PHF11: variants seen among roughly 807,000 people sequenced by gnomAD.
PHF11 encodes PHD finger protein 11, also known as BRCA1 C-terminus-associated protein.
PHF11 carries 38 observed loss-of-function variants against 40.5 expected under a neutral mutation model. That is an observed-to-expected ratio of 0.94 (90% CI 0.72 to 1.23). PHF11 has a LOEUF of 1.23. Ranked by LOEUF, PHF11 falls within the 50% of genes most tolerant of loss-of-function variation. PHF11 has a pLI of 0.00. For missense variants in PHF11, 369 were observed against 392.4 expected (o/e 0.94, Z 0.50); for synonymous variants, 127 against 138.2 (o/e 0.92, Z 0.57).
chr13:49,527,054 GA>G (rs112437268), intron 9 of PHF11, among the ~76,000 whole-genome samples: 12,985 of 92,616 alleles, frequency 0.14, 905 homozygotes, highest in East Asian at 0.3. Context: ...AAGTTCATCA[GA>G]AAAAAAAAAA....
chr13:49,510,245 C>A (rs1214522736), intron 2 of PHF11, among the ~76,000 whole-genome samples: 2 of 152,082 alleles, frequency 1.3e-5, no homozygotes, highest in African/African-American at 4.8e-5. Flanking sequence ...AGGTTGGTAT[C>A]CAACCCCTGG....
rs757809798 is a variant in PHF11, at chr13:49,528,673, C to T, written c.*8C>T. The T allele has an allele frequency of 2.3e-5, 36 of 1,582,242 alleles. No homozygotes were observed. Among genetic ancestry groups the T allele is most frequent in the South Asian group, 3.5e-5 (3 of 86,556 alleles). On this transcript the variant is annotated 3_prime_UTR_variant, in exon 10 of 10. Coordinates refer to ENST00000378319, the MANE Select transcript of PHF11 (RefSeq NM_001040443.3). ...TCATCCCTGTCTTATTAGGGATTAC[C>T]GTTTCCTAAGCCAAGAGTCATGTCA...
At chr13:49,496,369 G>C (rs1405575277) in intron 1 of PHF11, 3 of 1,155,834 alleles carry the variant, frequency 2.6e-6, no homozygotes, top group Non-Finnish European at 3.2e-6. Flanking sequence ...GGCACGCTTC[G>C]GTTTACCTCC....
rs140909381 is a variant in PHF11, at chr13:49,510,612, C to T, written c.217-2447C>T. Among the ~76,000 whole-genome samples the T allele has an allele frequency of 3.9e-3, 600 of 152,216 alleles. 3 individuals carry two copies. The highest frequency in any genetic ancestry group is 8.7e-3 in the Admixed American group (133 of 15,278). On this transcript the variant is annotated intron_variant, in intron 2 of 9. Transcript: ENST00000378319. The stretch of plus-strand genomic sequence containing the variant: ...CCCACCTCAGCTTGGACTACAAGCA[C>T]GTACCACCATACCCAGCTAATTTTT...
At chr13:49,519,379 A>G (rs1176244918) in intron 4 of PHF11, among the ~76,000 whole-genome samples, 2 of 152,158 alleles carry the variant, frequency 1.3e-5, no homozygotes. Flanking sequence ...TGTCCCTGCT[A>G]TAGCTTAAAG....
chr13:49,497,153 A>C, intron 1 of PHF11: 3 of 1,288,596 alleles, frequency 2.3e-6, no homozygotes, highest in Non-Finnish European at 3.0e-6. Flanking sequence ...CGTAAACATC[A>C]TACGTGGCAA....
rs776548087 is a variant in PHF11, at chr13:49,528,548, G to A, written c.879G>A (p.Trp293Ter). 1 of 1,610,442 alleles carries A rather than the reference G, an allele frequency of 6.2e-7. No individual in the cohort carries two copies. Among genetic ancestry groups the A allele is most frequent in the Non-Finnish European group, 8.5e-7 (1 of 1,178,194 alleles). Residue 293 changes from tryptophan (W) to a stop codon, truncating the protein, a stop_gained, in exon 10 of 10, where the codon TGG becomes TGA. Coordinates refer to ENST00000378319, the MANE Select transcript of PHF11 (RefSeq NM_001040443.3). LOFTEE classifies it low-confidence loss of function (END_TRUNC). ...AAATTCATGCATCTCAACAAAGGTGGCAGCAGTTGAAGGAAGAGATTGAGC... is the reference window on the plus strand; with the variant it reads ...AAATTCATGCATCTCAACAAAGGTGACAGCAGTTGAAGGAAGAGATTGAGC... ...EKKIHASQQR[W>*]QQLKEEIELL...
At chr13:49,518,226 T>G in intron 4 of PHF11, 75 bp downstream of exon 4, 1 of 1,015,826 alleles carries the variant, frequency 9.8e-7, no homozygotes, top group Non-Finnish European at 1.4e-6. Context: ...ACAAGGAGAC[T>G]TTGAAGACTA....
At chr13:49,522,379 TTCAGGAGGTGACATTC>T (rs1218198338) in intron 6 of PHF11, among the ~76,000 whole-genome samples, 1 of 152,158 alleles carries the variant, frequency 6.6e-6, no homozygotes, top group Non-Finnish European at 1.5e-5. Context: ...GCACATAACC[TTCAGGAGGTGACATTC>T]TCCGAGCTCC....
chr13:49,526,723 T>G (rs1959309573), intron 9 of PHF11, among the ~76,000 whole-genome samples: 1 of 151,976 alleles, frequency 6.6e-6, no homozygotes, highest in Non-Finnish European at 1.5e-5. Context: ...TATAGTGATT[T>G]TTGTCTGTTC....
At chr13:49,504,597 G>C (rs1200360179) in intron 1 of PHF11, among the ~76,000 whole-genome samples, 1 of 133,046 alleles carries the variant, frequency 7.5e-6, no homozygotes, top group African/African-American at 3.0e-5. Context: ...GAGGTGGGGG[G>C]TCAGCCCCCC....
At chr13:49,506,990 G>T (rs908444792) in intron 2 of PHF11, among the ~76,000 whole-genome samples, 1 of 131,264 alleles carries the variant, frequency 7.6e-6, no homozygotes, top group Non-Finnish European at 1.6e-5. Context: ...TGCAAGCTCC[G>T]CTTCCCGGGT....
intron 3 of PHF11, among the ~76,000 whole-genome samples, chr13:49,514,671 T>C (rs950068318): frequency 1.3e-5 from 2 of 151,618 alleles, no homozygotes; most frequent in Admixed American, 1.3e-4. Flanking sequence ...GGTAGGAGGA[T>C]TGGGTGAGCC....
intron 2 of PHF11, among the ~76,000 whole-genome samples, chr13:49,507,279 A>G (rs1959015429): frequency 6.6e-6 from 1 of 152,138 alleles, no homozygotes; most frequent in Admixed American, 6.5e-5. Context: ...CCTTCTACCC[A>G]GGTATAATTT....
At position 49,516,631 on chromosome 13, in the gene PHF11, G is replaced by A. The variant is rs76863173; in HGVS notation, c.325-1387G>A. Among the ~76,000 whole-genome samples the A allele has an allele frequency of 3.3e-5, 5 of 151,534 alleles. 1 individual carries two copies. In the South Asian group the frequency reaches 6.3e-4, roughly 19 times the overall value. ...TTTTGAAACAGATTCTCCGTCTGTCGCCCAGGCTGGAGTGCAATCACAGCT... is the reference window on the plus strand; with the variant it reads ...TTTTGAAACAGATTCTCCGTCTGTCACCCAGGCTGGAGTGCAATCACAGCT... On this transcript the variant is annotated intron_variant, in intron 3 of 9. Coordinates refer to ENST00000378319, the MANE Select transcript of PHF11 (RefSeq NM_001040443.3).
chr13:49,518,298 G>A (rs901510072), intron 4 of PHF11, 147 bp downstream of exon 4: 3 of 408,972 alleles, frequency 7.3e-6, no homozygotes, highest in South Asian at 8.4e-5. Flanking sequence ...CAGGGGTTAT[G>A]TGAATTTTGA....
At chr13:49,507,531 T>G (rs1959019222) in intron 2 of PHF11, among the ~76,000 whole-genome samples, 1 of 152,212 alleles carries the variant, frequency 6.6e-6, no homozygotes, top group African/African-American at 2.4e-5. Context: ...AGCAGAATTG[T>G]TAGGCACAGG....
chr13:49,501,987 G>T (rs867002207), intron 1 of PHF11, among the ~76,000 whole-genome samples: 1 of 151,320 alleles, frequency 6.6e-6, no homozygotes, highest in African/African-American at 2.4e-5. Context: ...CACCGCGCCC[G>T]GCCAATATTT....
intron 1 of PHF11, among the ~76,000 whole-genome samples, chr13:49,497,447 C>T (rs1958832564): frequency 6.6e-6 from 1 of 152,176 alleles, no homozygotes; most frequent in Admixed American, 6.5e-5. Flanking sequence ...TCTCTTTCCT[C>T]CGGACACCCC....
Sources: allele counts gnomAD v4.1 joint callset (sites outside exome capture counted in the v4.1 genomes callset), GRCh38; gene constraint gnomAD v4.1.1; transcripts MANE v1.5; gene names NCBI Gene and HGNC (gene_info 2026-07-23, HGNC 2026-07-21).